The following CDK14 variants were observed in gnomAD, a reference collection of about 807,000 sequenced individuals.
CDK14 encodes cyclin dependent kinase 14, also known as cyclin-dependent kinase 14.
CDK14 carries 34 observed loss-of-function variants against 60.7 expected under a neutral mutation model. The ratio of observed to expected loss-of-function variants is 0.56; its 90% CI spans 0.43 to 0.75. CDK14 has a LOEUF of 0.75. CDK14 is among the 30% of genes least tolerant of loss of function. The probability of loss-of-function intolerance (pLI) is 0.00; values close to 1 mark genes in which losing one functional copy is unlikely to be tolerated. For synonymous variants in CDK14, 197 were observed against 203.7 expected, an observed-to-expected ratio of 0.97 and a Z score of 0.28; for missense variants, 482 against 564.1, an observed-to-expected ratio of 0.85 and a Z score of 1.47.
intron 2 of CDK14, among the ~76,000 whole-genome samples, chr7:90,711,673 A>T (rs956967507): frequency 2.0e-5 from 3 of 152,024 alleles, no homozygotes; most frequent in Non-Finnish European, 2.9e-5. Context: ...GAAACAGTAC[A>T]TTTTCCTGAA....
chr7:90,928,515 C>T (rs548946984), intron 8 of CDK14, among the ~76,000 whole-genome samples: 1 of 152,278 alleles, frequency 6.6e-6, no homozygotes, highest in South Asian at 2.1e-4. Flanking sequence ...CTGGGTATCA[C>T]CAGCGGAGGC....
chr7:90,644,733 A>G (rs1282531678), intron 2 of CDK14, among the ~76,000 whole-genome samples: 1 of 152,224 alleles, frequency 6.6e-6, no homozygotes, highest in African/African-American at 2.4e-5. Context: ...TTTCTTGGAC[A>G]TCAGTTTGGG....
chr7:91,072,368 G>A (rs998387807), intron 11 of CDK14, among the ~76,000 whole-genome samples: 1 of 152,134 alleles, frequency 6.6e-6, no homozygotes, highest in Non-Finnish European at 1.5e-5. Flanking sequence ...AGGTGCAGGA[G>A]TGAAACAGAT....
intron 10 of CDK14, among the ~76,000 whole-genome samples, chr7:91,013,656 G>GTTTT (rs56934476): frequency 1.0e-3 from 128 of 123,374 alleles, no homozygotes; most frequent in African/African-American, 3.6e-3. Context: ...CATTGCCTCT[G>GTTTT]TTTTTTTTTT....
At position 90,891,849 on chromosome 7, in the gene CDK14, G is replaced by A. The variant is rs1356408198; in HGVS notation, c.640-7442G>A. On this transcript the variant is annotated intron_variant, in intron 6 of 14. Coordinates refer to ENST00000380050, the MANE Select transcript of CDK14 (RefSeq NM_001287135.2). Reference sequence around the variant, plus strand: ...TGTGTTCAGGAAGGGGCTTTATTTGGATTTTTGCTTGAAGGGAAAAGTCTA... The same window carrying A: ...TGTGTTCAGGAAGGGGCTTTATTTGAATTTTTGCTTGAAGGGAAAAGTCTA... 2.6e-5 allele frequency among the ~76,000 whole-genome samples: 4 copies of A among 152,202 alleles called. No individual in the cohort carries two copies. The East Asian group carries it at 5.8e-4, about 22-fold the overall frequency.
chr7:90,786,754 A>ATT (rs1476345960), intron 4 of CDK14, among the ~76,000 whole-genome samples: 15 of 113,464 alleles, frequency 1.3e-4, no homozygotes, highest in East Asian at 6.3e-4. Flanking sequence ...TTTTCTCTAA[A>ATT]ATTTTTTTTT....
intron 9 of CDK14, among the ~76,000 whole-genome samples, chr7:90,971,486 C>T (rs1794930916): frequency 6.6e-6 from 1 of 151,984 alleles, no homozygotes; most frequent in Non-Finnish European, 1.5e-5. Flanking sequence ...TGGACAAAGA[C>T]TAACAGCTGA....
At chr7:91,141,950 C>A (rs1800476563) in intron 14 of CDK14, among the ~76,000 whole-genome samples, 2 of 152,048 alleles carry the variant, frequency 1.3e-5, no homozygotes, top group Admixed American at 6.6e-5. Flanking sequence ...CTCAGCCTCC[C>A]AAGTAGCTGG....
intron 8 of CDK14, among the ~76,000 whole-genome samples, chr7:90,932,486 C>T (rs570963193): frequency 1.2e-4 from 19 of 152,294 alleles, no homozygotes; most frequent in African/African-American, 4.6e-4. Context: ...CCAGTAGAAT[C>T]TCAATGTTCA....
chr7:91,188,693 T>C (rs2115925782), intron 14 of CDK14, among the ~76,000 whole-genome samples: 1 of 152,330 alleles, frequency 6.6e-6, no homozygotes, highest in East Asian at 1.9e-4. Context: ...TTATAGAATA[T>C]GGTTATAGAG....
intron 5 of CDK14, among the ~76,000 whole-genome samples, chr7:90,859,525 A>C (rs1790934370): frequency 6.6e-6 from 1 of 152,208 alleles, no homozygotes; most frequent in African/African-American, 2.4e-5. Flanking sequence ...ATTTATTTTA[A>C]TATGTTAAAA....
chr7:90,889,473 A>T (rs1410273654), intron 6 of CDK14, among the ~76,000 whole-genome samples: 1 of 152,226 alleles, frequency 6.6e-6, no homozygotes, highest in Non-Finnish European at 1.5e-5. Context: ...CAGAAATGAC[A>T]GCTGAAATCA....
At chr7:90,682,616 A>G (rs1330959449) in intron 2 of CDK14, among the ~76,000 whole-genome samples, 1 of 152,158 alleles carries the variant, frequency 6.6e-6, no homozygotes, top group East Asian at 1.9e-4. Flanking sequence ...TACGATACTT[A>G]TTATCTTTTA....
Position 91,036,094 on chromosome 7 carries a change from C to T in CDK14, c.1042-9803C>T, listed in dbSNP as rs184494100. Among the ~76,000 whole-genome samples, 1,059 of 152,290 alleles carry T rather than the reference C, an allele frequency of 7.0e-3. 16 individuals carry two copies. The highest frequency in any genetic ancestry group is 0.025 in the African/African-American group (1,019 of 41,556). On this transcript the variant is annotated intron_variant, in intron 10 of 14. Transcript: ENST00000380050. ...TCCTGACCTCGTGATCCACCCGCCT[C>T]GGCCTCCCAAAGTGCTGGGATTATA...
At chr7:90,735,245 G>A (rs146889313) in intron 3 of CDK14, among the ~76,000 whole-genome samples, 5 of 152,204 alleles carry the variant, frequency 3.3e-5, no homozygotes, top group East Asian at 3.9e-4. Flanking sequence ...AGTTTCCGTC[G>A]GTCCCCACTG....
chr7:90,750,156 ACACAC>A (rs1803768695), intron 4 of CDK14, among the ~76,000 whole-genome samples: 2 of 1,820 alleles, frequency 1.1e-3, no homozygotes, highest in Non-Finnish European at 3.3e-3. Flanking sequence ...GAAAGAAAAC[ACACAC>A]ACACACACAC....
chr7:91,015,689 G>A (rs768475361), intron 10 of CDK14, among the ~76,000 whole-genome samples: 16 of 151,192 alleles, frequency 1.1e-4, no homozygotes, highest in Middle Eastern at 3.5e-3. Context: ...CACCATGCCC[G>A]GCTAATTTTT....
chr7:90,748,945 C>A (rs952933237), intron 4 of CDK14, among the ~76,000 whole-genome samples: 5 of 152,240 alleles, frequency 3.3e-5, no homozygotes, highest in Middle Eastern at 6.8e-3. Flanking sequence ...GAGAAAAATT[C>A]TCTGAAGGAT....
At chr7:90,785,937 T>G (rs1045248556) in intron 4 of CDK14, among the ~76,000 whole-genome samples, 1 of 152,196 alleles carries the variant, frequency 6.6e-6, no homozygotes, top group Admixed American at 6.5e-5. Flanking sequence ...TAGAAACAGT[T>G]TGAAAGTTGG....
Sources: allele counts gnomAD v4.1 joint callset (sites outside exome capture counted in the v4.1 genomes callset), GRCh38; gene constraint gnomAD v4.1.1; transcripts MANE v1.5; gene names NCBI Gene and HGNC (gene_info 2026-07-23, HGNC 2026-07-21).